The following DCTN1 variants were observed in gnomAD, a reference collection of about 807,000 sequenced individuals.
DCTN1 encodes dynactin subunit 1.
DCTN1 carries 61 observed loss-of-function variants against 161.2 expected under a neutral mutation model. That is an observed-to-expected ratio of 0.38 (90% CI 0.31 to 0.47). The LOEUF (loss-of-function observed/expected upper bound fraction) is 0.47. Ranked by LOEUF, DCTN1 falls within the 20% of genes least tolerant of loss-of-function variation. The pLI is 0.99. For synonymous variants in DCTN1, 653 were observed against 632.4 expected (o/e 1.03, Z -0.49); for missense variants, 1,404 against 1,623.7 (o/e 0.86, Z 2.33).
At chr2:74,378,394 C>T (rs1309791244) in intron 1 of DCTN1, 149 bp from the exon 2 acceptor site, 14 of 921,840 alleles carry the variant, frequency 1.5e-5, no homozygotes, top group Non-Finnish European at 2.1e-5. Context: ...GGTGGACCCC[C>T]AAATTCCCCT....
At chr2:74,389,411 G>A (rs1389805198) in intron 1 of DCTN1, among the ~76,000 whole-genome samples, 2 of 152,146 alleles carry the variant, frequency 1.3e-5, no homozygotes, top group Non-Finnish European at 2.9e-5. Flanking sequence ...GCTGTAGACA[G>A]GCCAAGCAAC....
rs1449919166 is a variant in DCTN1 at position 74,367,982 on chromosome 2, G to A, written c.2004C>T (p.His668=). The A allele has an allele frequency of 3.7e-6, 6 of 1,614,106 alleles. No individual in the cohort carries two copies. Among genetic ancestry groups the A allele is most frequent in the Non-Finnish European group, 4.2e-6 (5 of 1,180,054 alleles). The change falls in exon 17 of 32, where the codon CAC becomes CAT. Residue 668 remains histidine, a synonymous_variant. Coordinates refer to ENST00000628224, the MANE Select transcript of DCTN1 (RefSeq NM_004082.5). The part of the protein sequence containing the change: ...YSLSLLQATL[H]RYEHALSQCS... Reference sequence around the variant, plus strand: ...CAGGAGTCACTTACTGCTCATAGCGGTGTAGCGTGGCCTGCAGCAGGCTCA... The same window carrying A: ...CAGGAGTCACTTACTGCTCATAGCGATGTAGCGTGGCCTGCAGCAGGCTCA...
intron 5 of DCTN1, among the ~76,000 whole-genome samples, chr2:74,375,931 G>T: frequency 6.6e-6 from 1 of 152,146 alleles, no homozygotes; most frequent in Non-Finnish European, 1.5e-5. Context: ...ATAGGCTGAC[G>T]ACAAGGAAAT....
At chr2:74,377,506 G>C (rs755943996) in intron 3 of DCTN1, 40 bp from the exon 4 acceptor site, 2 of 1,582,668 alleles carry the variant, frequency 1.3e-6, no homozygotes, top group East Asian at 4.5e-5. Flanking sequence ...TACTTGTATA[G>C]AGAGGTAGGG....
intron 26 of DCTN1, 165 bp downstream of exon 26, chr2:74,364,910 G>T: frequency 1.2e-6 from 1 of 827,082 alleles, no homozygotes; most frequent in Non-Finnish European, 2.0e-6. Context: ...CATCTTCAGC[G>T]GAAGGGAAAA....
chr2:74,387,318 C>T (rs192215910), intron 1 of DCTN1, among the ~76,000 whole-genome samples: 1 of 152,220 alleles, frequency 6.6e-6, no homozygotes, highest in East Asian at 1.9e-4. Flanking sequence ...TATTTTCAGC[C>T]TTCTGTAAGC....
rs1674455298 is a variant in DCTN1, at chr2:74,366,879, T to C, written c.2370A>G (p.Ser790=). The part of the protein sequence containing the change: ...IALLLRDLET[S]CSDIRQFCKK... ...TGCAGAACTGGCGGATGTCACTGCATGAAGTTTCCAGATCCCGGAGCAGGA... is the reference window on the plus strand; with the variant it reads ...TGCAGAACTGGCGGATGTCACTGCACGAAGTTTCCAGATCCCGGAGCAGGA... The change falls in exon 21 of 32, where the codon TCA becomes TCG. Residue 790 remains serine, a synonymous_variant. Coordinates refer to ENST00000628224, the MANE Select transcript of DCTN1 (RefSeq NM_004082.5). The C allele has an allele frequency of 3.7e-6, 6 of 1,614,204 alleles. No homozygotes were observed. Among genetic ancestry groups the C allele is most frequent in the Non-Finnish European group, 5.1e-6 (6 of 1,180,036 alleles).
At chr2:74,365,725 C>G in intron 24 of DCTN1, 68 bp from the exon 25 acceptor site, 1 of 1,613,220 alleles carries the variant, frequency 6.2e-7, no homozygotes, top group Non-Finnish European at 8.5e-7. Context: ...GGGGGCTAGA[C>G]CATGAGATAG....
At chr2:74,367,668 G>A (rs748407062) in intron 18 of DCTN1, 28 bp downstream of exon 18, 1 of 1,613,990 alleles carries the variant, frequency 6.2e-7, no homozygotes, top group Non-Finnish European at 8.5e-7. Context: ...CCTGCCTCCT[G>A]CCCCAAGCCC....
Position 74,378,217 on chromosome 2 carries a change from T to A in DCTN1, c.62A>T (p.Glu21Val). The A allele has an allele frequency of 6.2e-7, 1 of 1,610,764 alleles. No individual in the cohort carries two copies. The highest frequency in any genetic ancestry group is 8.5e-7 in the Non-Finnish European group (1 of 1,180,016). Residue 21 changes from glutamate to valine, a missense_variant, in exon 2 of 32, where the codon GAG becomes GTG. Glu to Val is a moderately radical substitution (Grantham distance 121, BLOSUM62 -2). Transcript: ENST00000628224. ...RTPSGSRMSAEASARPLRVGS... is the reference protein window; with the variant it reads ...RTPSGSRMSAVASARPLRVGS... ...CACCCGCAGAGGCCGGGCGCTTGCC[T>A]CCGCACTCATCCTGCTGCCGCTGGG...
chr2:74,373,040 AGAAGAAATAACAG>A, intron 6 of DCTN1, 92 bp from the exon 7 acceptor site: 1 of 1,227,102 alleles, frequency 8.1e-7, no homozygotes, highest in Non-Finnish European at 1.2e-6. Context: ...CAATGAGAGC[AGAAGAAATAACAG>A]GAATGGGGCT....
intron 23 of DCTN1, 21 bp downstream of exon 23, chr2:74,366,223 T>C: frequency 1.2e-6 from 2 of 1,613,918 alleles, no homozygotes; most frequent in Admixed American, 1.7e-5. Context: ...CTGCAACTTC[T>C]CCAAGGAAAT....
intron 25 of DCTN1, 134 bp downstream of exon 25, chr2:74,365,381 A>G (rs1231103861): frequency 6.5e-7 from 1 of 1,550,134 alleles, no homozygotes; most frequent in Non-Finnish European, 8.8e-7. Flanking sequence ...GGGTGATGCA[A>G]TGGGGTTGGC....
Position 74,371,916 on chromosome 2 carries a change from G to T in DCTN1, c.454-188C>A, listed in dbSNP as rs574755454. The T allele has an allele frequency of 7.9e-4, 470 of 598,474 alleles. 4 individuals are homozygous for T. In the African/African-American group the frequency reaches 7.9e-3, roughly 10 times the overall value. 37.1% of individuals were successfully genotyped at this position (598,474 alleles called of 1,614,324 possible). A position where few individuals can be genotyped will look rare whatever the true frequency, so the allele number is the denominator to read the frequency against. On this transcript the variant is annotated intron_variant, in intron 7 of 31. Transcript: ENST00000628224. ...AAGGAAAATGATACAGAGAGGCAGA[G>T]AGAGATAGTGACAAAGGACAGGGGG...
chr2:74,377,730 A>C lies in DCTN1; in HGVS notation c.280-4T>G, dbSNP rs778738180. The C allele has an allele frequency of 5.6e-6, 9 of 1,612,160 alleles. No homozygotes were observed. The South Asian group carries it at 9.9e-5, about 18-fold the overall frequency. On this transcript the variant is annotated splice_region_variant and splice_polypyrimidine_tract_variant and intron_variant, in intron 2 of 31. Coordinates refer to ENST00000628224, the MANE Select transcript of DCTN1 (RefSeq NM_004082.5). ...CTCCATCTTCAAATACCTGGATCTG[A>C]GGCCAGATTCAATATAGCCAGATCA...
chr2:74,368,246 G>A (rs1018795777), intron 16 of DCTN1, 115 bp from the exon 17 acceptor site: 1 of 1,388,350 alleles, frequency 7.2e-7, no homozygotes, highest in South Asian at 1.3e-5. Context: ...ACATGGGAGA[G>A]AAAGCAGAAA....
chr2:74,385,950 A>C (rs987461241), intron 1 of DCTN1, among the ~76,000 whole-genome samples: 1 of 152,204 alleles, frequency 6.6e-6, no homozygotes, highest in Non-Finnish European at 1.5e-5. Context: ...TTTCTAGGTG[A>C]TAGGAACAGG....
chr2:74,380,725 A>C (rs755687773), upstream of DCTN1, among the ~76,000 whole-genome samples: 13 of 152,220 alleles, frequency 8.5e-5, no homozygotes, highest in Non-Finnish European at 1.0e-4. Flanking sequence ...GAGCCAGAGG[A>C]GGCAGGCCCT....
In DCTN1 at chr2:74,366,711, C is replaced by A. The variant is rs1674440504; in HGVS notation, c.2466+72G>T. ...AACCATTTTTGTCCCCTAACCAGAT[C>A]CAGATCTTCAAGTGCTATACCCTTC... is the stretch of plus-strand genomic sequence containing the variant. On this transcript the variant is annotated intron_variant, in intron 21 of 31. Coordinates refer to ENST00000628224, the MANE Select transcript of DCTN1 (RefSeq NM_004082.5). The A allele has an allele frequency of 7.4e-6, 12 of 1,614,076 alleles. No individual in the cohort carries two copies. In the East Asian group the frequency reaches 2.7e-4, roughly 36 times the overall value.
Sources: allele counts gnomAD v4.1 joint callset (sites outside exome capture counted in the v4.1 genomes callset), GRCh38; gene constraint gnomAD v4.1.1; transcripts MANE v1.5; gene names NCBI Gene and HGNC (gene_info 2026-07-23, HGNC 2026-07-21).